TFRC: variants seen among roughly 807,000 people sequenced by gnomAD.
The protein encoded by TFRC is transferrin receptor protein 1.
TFRC carries 35 observed loss-of-function variants against 85.8 expected under a neutral mutation model. The ratio of observed to expected loss-of-function variants is 0.41; its 90% CI spans 0.31 to 0.54. TFRC has a LOEUF of 0.54. Ranked by LOEUF, TFRC falls within the 20% of genes least tolerant of loss-of-function variation. The pLI is 0.31. For missense variants in TFRC, 828 were observed against 921.5 expected (o/e 0.90, Z 1.31); for synonymous variants, 362 against 328.6 (o/e 1.10, Z -1.10).
At chr3:196,058,499 T>C in intron 15 of TFRC, 75 bp downstream of exon 15, 2 of 1,509,946 alleles carry the variant, frequency 1.3e-6, no homozygotes, top group South Asian at 2.4e-5. Context: ...CAAGGACAGA[T>C]TTAGATTCTA....
At chr3:196,080,919 G>A (rs1719118538) in intron 1 of TFRC, among the ~76,000 whole-genome samples, 1 of 152,156 alleles carries the variant, frequency 6.6e-6, no homozygotes, top group Non-Finnish European at 1.5e-5. Context: ...TAGCATATAA[G>A]CATGGGGTAG....
At position 196,075,883 on chromosome 3, in the gene TFRC, TG is replaced by T. The variant is rs11391478; in HGVS notation, c.37-524del. Among the ~76,000 whole-genome samples the T allele has an allele frequency of 4.7e-5, 7 of 149,912 alleles. No individual in the cohort carries two copies. The South Asian group carries it at 8.4e-4, about 18-fold the overall frequency. The stretch of plus-strand genomic sequence containing the variant: ...GCTCATGCCTGTAATCCCAGCACTC[TG>T]GGGGGGGCCGAGGCACACAGATCAT... On this transcript the variant is annotated intron_variant, in intron 2 of 18. Coordinates refer to ENST00000360110, the MANE Select transcript of TFRC (RefSeq NM_001128148.3).
At chr3:196,057,530 T>C (rs4484225) in intron 16 of TFRC, among the ~76,000 whole-genome samples, 5 of 152,200 alleles carry the variant, frequency 3.3e-5, no homozygotes, top group Non-Finnish European at 7.3e-5. Flanking sequence ...CTGCGGCTTG[T>C]CCTGCTACAG....
intron 6 of TFRC, among the ~76,000 whole-genome samples, chr3:196,070,505 G>A (rs1718100110): frequency 6.6e-6 from 1 of 151,954 alleles, no homozygotes; most frequent in Non-Finnish European, 1.5e-5. Flanking sequence ...CACCCACCTT[G>A]GACTCCCAAA....
intron 1 of TFRC, among the ~76,000 whole-genome samples, chr3:196,077,419 C>T (rs771924294): frequency 6.6e-5 from 10 of 151,358 alleles, no homozygotes; most frequent in African/African-American, 9.7e-5. Flanking sequence ...CAAAGTGCTG[C>T]AATTATAAGT....
At chr3:196,064,726 G>A (rs1717571601) in intron 10 of TFRC, among the ~76,000 whole-genome samples, 1 of 152,154 alleles carries the variant, frequency 6.6e-6, no homozygotes, top group Non-Finnish European at 1.5e-5. Context: ...GTTAACTCCA[G>A]GGACTGGCAA....
rs1344791931 is a variant in TFRC, at chr3:196,075,058, AAAAAAAAAT to A, written c.238+92_238+100del. 1.3e-4 allele frequency: 89 copies of A among 688,562 alleles called. 1 individual carries two copies. Among genetic ancestry groups the A allele is most frequent in the Non-Finnish European group, 1.5e-4 (68 of 442,536 alleles). The allele number at this position is 688,562 out of a possible 1,614,324, so 42.7% of individuals were successfully genotyped here. ...AAGCCTCTGTCTCCAAAAAAAAAAAAAAAAAAAATAAGGTACAAAATAACTATATGCTGA... is the reference window on the plus strand; with the variant it reads ...AAGCCTCTGTCTCCAAAAAAAAAAAAAAGGTACAAAATAACTATATGCTGA... On this transcript the variant is annotated intron_variant, in intron 3 of 18. Coordinates refer to ENST00000360110, the MANE Select transcript of TFRC (RefSeq NM_001128148.3).
chr3:196,051,722 C>G lies in TFRC; in HGVS notation c.*220G>C, dbSNP rs147024318. 3.9e-4 allele frequency: 207 copies of G among 531,606 alleles called. 3 individuals are homozygous for G. The East Asian group carries it at 6.3e-3, about 16-fold the overall frequency. 32.9% of individuals were successfully genotyped at this position (531,606 alleles called of 1,614,324 possible). ...AAAATTCTAGAGATAGGGGAATATT[C>G]CATCATGGACATTTTTTAAGTGGTT... On this transcript the variant is annotated 3_prime_UTR_variant, in exon 19 of 19. Coordinates refer to ENST00000360110, the MANE Select transcript of TFRC (RefSeq NM_001128148.3).
chr3:196,067,764 G>A, intron 8 of TFRC, 107 bp from the exon 9 acceptor site: 1 of 1,334,100 alleles, frequency 7.5e-7, no homozygotes, highest in South Asian at 1.5e-5. Context: ...TTACCAACTT[G>A]AAGCCTCAAA....
intron 9 of TFRC, among the ~76,000 whole-genome samples, chr3:196,066,123 C>T (rs148154271): frequency 3.3e-3 from 122 of 36,442 alleles, no homozygotes; most frequent in African/African-American, 9.0e-3. Context: ...TTTTAAAACA[C>T]TTCTCTAACT....
intron 13 of TFRC, among the ~76,000 whole-genome samples, chr3:196,061,026 T>C (rs1203156546): frequency 2.6e-5 from 4 of 152,186 alleles, no homozygotes; most frequent in Non-Finnish European, 5.9e-5. Flanking sequence ...GGGAAATAAC[T>C]AACCTAGAGA....
intron 10 of TFRC, among the ~76,000 whole-genome samples, chr3:196,064,908 G>C (rs940750706): frequency 6.6e-6 from 1 of 152,188 alleles, no homozygotes; most frequent in Non-Finnish European, 1.5e-5. Flanking sequence ...AGATTTTCTA[G>C]TCATAATGGT....
At chr3:196,069,185 A>G (rs1047789943) in intron 7 of TFRC, among the ~76,000 whole-genome samples, 1 of 152,090 alleles carries the variant, frequency 6.6e-6, no homozygotes, top group Non-Finnish European at 1.5e-5. Flanking sequence ...TTTGGCTATT[A>G]ATTTTCCTTT....
intron 18 of TFRC, 113 bp from the exon 19 acceptor site, chr3:196,052,297 T>A: frequency 8.0e-6 from 6 of 747,304 alleles, no homozygotes; most frequent in Non-Finnish European, 1.1e-5. Context: ...TCAGACTTTT[T>A]TTTTTTTTTT....
In TFRC at chr3:196,051,857, A is replaced by G; in HGVS notation, c.*85T>C. ...ATGGAATTTTAACATCAGGTTTTGT[A>G]GCCCTACTGAAAATTTAGCACGATC... On this transcript the variant is annotated 3_prime_UTR_variant, in exon 19 of 19. Coordinates refer to ENST00000360110, the MANE Select transcript of TFRC (RefSeq NM_001128148.3). 6.7e-7 allele frequency: 1 copy of G among 1,491,966 alleles called. No homozygotes were observed. Among genetic ancestry groups the G allele is most frequent in the South Asian group, 1.3e-5 (1 of 77,080 alleles). 92.4% of individuals were successfully genotyped at this position (1,491,966 alleles called of 1,614,324 possible). A position where few individuals can be genotyped will look rare whatever the true frequency, so the allele number is the denominator to read the frequency against.
chr3:196,057,576 G>A (rs13066064), intron 16 of TFRC, among the ~76,000 whole-genome samples: 5,354 of 152,134 alleles, frequency 0.035, 125 homozygotes, highest in South Asian at 0.1. Flanking sequence ...CAGCACATGT[G>A]TATAACTTCT....
intron 3 of TFRC, among the ~76,000 whole-genome samples, chr3:196,074,777 G>C (rs956240018): frequency 6.6e-6 from 1 of 151,762 alleles, no homozygotes; most frequent in African/African-American, 2.4e-5. Context: ...TCCTCAGGAG[G>C]CTGAGGCAGA....
At chr3:196,078,270 G>T (rs77718471) in intron 1 of TFRC, among the ~76,000 whole-genome samples, 1 of 151,958 alleles carries the variant, frequency 6.6e-6, no homozygotes, top group African/African-American at 2.4e-5. Flanking sequence ...TCCTATATAC[G>T]AGTACACTTA....
chr3:196,077,769 G>A (rs1718831973), intron 1 of TFRC, among the ~76,000 whole-genome samples: 2 of 151,784 alleles, frequency 1.3e-5, no homozygotes, highest in African/African-American at 4.8e-5. Context: ...AAAAGAAAGT[G>A]ACACATACAA....
Sources: gnomAD v4.1 joint callset for allele counts (sites outside exome capture counted in the v4.1 genomes callset) on GRCh38, gnomAD v4.1.1 for gene constraint, MANE v1.5 for transcripts, NCBI Gene and HGNC (gene_info 2026-07-23, HGNC 2026-07-21) for gene names.